SERTM1: variants seen among roughly 807,000 people sequenced by gnomAD.
The protein encoded by SERTM1 is serine rich and transmembrane domain containing 1.
A neutral mutation model predicts 5.5 loss-of-function variants in SERTM1; 1 was observed. The ratio of observed to expected loss-of-function variants is 0.18; its 90% CI spans 0.06 to 0.86. The LOEUF is 0.86. SERTM1 is among the 40% of genes least tolerant of loss of function. The pLI, the probability that SERTM1 is intolerant of heterozygous loss-of-function variation, is 0.69. For synonymous variants in SERTM1, 52 were observed against 55.1 expected, an observed-to-expected ratio of 0.94 and a Z score of 0.25; for missense variants, 91 against 122.4, an observed-to-expected ratio of 0.74 and a Z score of 1.21.
chr13:36,693,071 G>A (rs2056789676), intron 1 of SERTM1, among the ~76,000 whole-genome samples: 2 of 152,314 alleles, frequency 1.3e-5, no homozygotes, highest in African/African-American at 2.4e-5. Flanking sequence ...GAGACCAGAT[G>A]TTATAGGGGG....
chr13:36,687,811 A>G (rs1204926280), intron 1 of SERTM1, among the ~76,000 whole-genome samples: 1 of 152,194 alleles, frequency 6.6e-6, no homozygotes, highest in African/African-American at 2.4e-5. Flanking sequence ...AACAGAGACC[A>G]ACAAAAAGGT....
intron 1 of SERTM1, among the ~76,000 whole-genome samples, chr13:36,692,448 A>T (rs57764471): frequency 0.021 from 3,193 of 152,340 alleles, 100 homozygotes; most frequent in African/African-American, 0.071. Flanking sequence ...CATCCCTGAA[A>T]ATGATACAGA....
chr13:36,684,729 G>A (rs1444412829), intron 1 of SERTM1, among the ~76,000 whole-genome samples: 1 of 151,838 alleles, frequency 6.6e-6, no homozygotes, highest in Non-Finnish European at 1.5e-5. Flanking sequence ...TGAATAATGG[G>A]TGAAAGTGTA....
chr13:36,694,385 G>A (rs1262216982), intron 1 of SERTM1, among the ~76,000 whole-genome samples: 1 of 152,188 alleles, frequency 6.6e-6, no homozygotes, highest in Non-Finnish European at 1.5e-5. Context: ...ACATAGAAAT[G>A]GCACCTGATT....
intron 1 of SERTM1, among the ~76,000 whole-genome samples, chr13:36,686,370 G>A (rs761303981): frequency 2.0e-4 from 31 of 152,110 alleles, no homozygotes; most frequent in African/African-American, 6.8e-4. Flanking sequence ...CTGACTTAGC[G>A]CATATTTTTC....
chr13:36,683,364 C>T (rs1009969732), intron 1 of SERTM1, among the ~76,000 whole-genome samples: 6 of 152,136 alleles, frequency 3.9e-5, no homozygotes, highest in African/African-American at 1.4e-4. Context: ...ATTACATACA[C>T]AATTCATACA....
In SERTM1 at chr13:36,674,081, C is replaced by G. The variant is rs1222142016; in HGVS notation, c.-277C>G. 6.6e-6 allele frequency: 1 copy of G among 152,300 alleles called. No individual in the cohort carries two copies. Among genetic ancestry groups the G allele is most frequent in the Non-Finnish European group, 1.5e-5 (1 of 68,122 alleles). The allele number at this position is 152,300 out of a possible 1,614,324, so 9.4% of individuals were successfully genotyped here. ...CTGCGCGCCGCGCCGCTGCGCCCAACATTCCCGAGGACGGCTTCGCGGGCG... is the reference window on the plus strand; with the variant it reads ...CTGCGCGCCGCGCCGCTGCGCCCAAGATTCCCGAGGACGGCTTCGCGGGCG... On this transcript the variant is annotated 5_prime_UTR_variant, in exon 1 of 2. Transcript: ENST00000315190.
chr13:36,694,532 T>C (rs987817981), intron 1 of SERTM1, among the ~76,000 whole-genome samples: 1 of 152,198 alleles, frequency 6.6e-6, no homozygotes, highest in Non-Finnish European at 1.5e-5. Flanking sequence ...AGCTGGTGAA[T>C]GTATGGAATT....
At chr13:36,687,818 AG>A (rs1456880581) in intron 1 of SERTM1, among the ~76,000 whole-genome samples, 1 of 152,184 alleles carries the variant, frequency 6.6e-6, no homozygotes, top group Non-Finnish European at 1.5e-5. Context: ...ACCAACAAAA[AG>A]GTTCTCATTA....
intron 1 of SERTM1, among the ~76,000 whole-genome samples, chr13:36,691,385 C>T (rs1250396930): frequency 6.6e-6 from 1 of 152,166 alleles, no homozygotes; most frequent in Middle Eastern, 3.2e-3. Flanking sequence ...CTTACGTTGT[C>T]TCTCTGTTTC....
intron 1 of SERTM1, among the ~76,000 whole-genome samples, chr13:36,674,810 A>G (rs1318706246): frequency 1.3e-5 from 2 of 151,972 alleles, no homozygotes; most frequent in South Asian, 2.1e-4. Context: ...GGGAAGTTTT[A>G]TGTGGCGCTG....
At chr13:36,680,182 G>A (rs375032692) in intron 1 of SERTM1, among the ~76,000 whole-genome samples, 5 of 152,142 alleles carry the variant, frequency 3.3e-5, no homozygotes, top group East Asian at 1.9e-4. Flanking sequence ...CAAAACTGTC[G>A]TTCTAACAAC....
rs1027940721 is a variant in SERTM1 at position 36,679,087 on chromosome 13, A to G, written c.-174+4903A>G. 9.2e-5 allele frequency among the ~76,000 whole-genome samples: 14 copies of G among 152,348 alleles called. 1 individual carries two copies. Among genetic ancestry groups the G allele is most frequent in the Admixed American group, 9.1e-4 (14 of 15,312 alleles). On this transcript the variant is annotated intron_variant, in intron 1 of 1. Coordinates refer to ENST00000315190, the MANE Select transcript of SERTM1 (RefSeq NM_203451.3). ...TACACAGATCATAAAGACATAAGAT[A>G]TCATAAAGACATAATTTATGTGTTC... is the stretch of plus-strand genomic sequence containing the variant.
chr13:36,695,102 A>G lies in SERTM1; in HGVS notation c.24A>G (p.Ser8=). The G allele has an allele frequency of 6.2e-7, 1 of 1,613,856 alleles. No individual in the cohort carries two copies. Among genetic ancestry groups the G allele is most frequent in the South Asian group, 1.1e-5 (1 of 91,014 alleles). ...AGATGTCTGAACCTGACACTTCCTC[A>G]GGATTTTCGGGAAGTGTGGAGAATG... MSEPDTS[S]GFSGSVENGT... is the part of the protein sequence containing the mutation. The change falls in exon 2 of 2, where the codon TCA becomes TCG. Residue 8 remains serine (S), a synonymous_variant. Transcript: ENST00000315190.
intron 1 of SERTM1, among the ~76,000 whole-genome samples, chr13:36,685,609 CT>C (rs2056735563): frequency 1.3e-5 from 2 of 152,182 alleles, no homozygotes; most frequent in African/African-American, 4.8e-5. Flanking sequence ...AATTTCTGAA[CT>C]GTTCATTGGC....
intron 1 of SERTM1, among the ~76,000 whole-genome samples, chr13:36,685,330 C>T (rs1034757508): frequency 1.3e-5 from 2 of 152,200 alleles, no homozygotes; most frequent in African/African-American, 2.4e-5. Flanking sequence ...AAGGACACAA[C>T]GTCCTCTTTC....
intron 1 of SERTM1, among the ~76,000 whole-genome samples, chr13:36,677,071 CTTCTG>C (rs1315000406): frequency 6.6e-6 from 1 of 152,160 alleles, no homozygotes; most frequent in Non-Finnish European, 1.5e-5. Context: ...TCTGTGGTCC[CTTCTG>C]TTCTGATTCT....
At chr13:36,680,303 A>G (rs148470367) in intron 1 of SERTM1, among the ~76,000 whole-genome samples, 63 of 152,340 alleles carry the variant, frequency 4.1e-4, no homozygotes, top group African/African-American at 1.5e-3. Flanking sequence ...AAGATCTTTC[A>G]GTCTGTTCAA....
chr13:36,679,654 G>T (rs1008276675), intron 1 of SERTM1, among the ~76,000 whole-genome samples: 2 of 152,098 alleles, frequency 1.3e-5, no homozygotes, highest in Non-Finnish European at 2.9e-5. Context: ...TGGTCCACCC[G>T]CCTTGGCCTC....
Sources: allele counts gnomAD v4.1 joint callset (sites outside exome capture counted in the v4.1 genomes callset), GRCh38; gene constraint gnomAD v4.1.1; transcripts MANE v1.5; gene names NCBI Gene and HGNC (gene_info 2026-07-23, HGNC 2026-07-21).